PPM1A: variants seen among roughly 807,000 people sequenced by gnomAD.
PPM1A encodes the protein protein phosphatase, Mg2+/Mn2+ dependent 1A, also known as protein phosphatase 1A.
Under a neutral mutation model 35.0 loss-of-function variants are expected in PPM1A, and 7 were observed. The observed-to-expected ratio is 0.20, with a 90% CI of 0.11 to 0.38. The LOEUF (loss-of-function observed/expected upper bound fraction) is 0.38, where lower values mean the gene tolerates loss of function less well. PPM1A is among the 10% of genes least tolerant of loss of function. The pLI is 1.00. For missense variants in PPM1A, 239 were observed against 467.8 expected (o/e 0.51, Z 4.51); for synonymous variants, 153 against 167.3 (o/e 0.91, Z 0.66).
At chr14:60,290,707 G>A (rs1263707454) in intron 4 of PPM1A, among the ~76,000 whole-genome samples, 2 of 152,052 alleles carry the variant, frequency 1.3e-5, no homozygotes, top group Non-Finnish European at 2.9e-5. Context: ...TGTTTTGCAA[G>A]TGTGACCATG....
intron 1 of PPM1A, among the ~76,000 whole-genome samples, chr14:60,272,858 A>G (rs905404072): frequency 6.6e-6 from 1 of 152,126 alleles, no homozygotes; most frequent in Admixed American, 6.5e-5. Flanking sequence ...TCAGTTTTGC[A>G]GTTGAGATGG....
intron 1 of PPM1A, among the ~76,000 whole-genome samples, chr14:60,263,664 T>G (rs1462600498): frequency 6.6e-6 from 1 of 152,162 alleles, no homozygotes; most frequent in Non-Finnish European, 1.5e-5. Flanking sequence ...ACCCTCACCC[T>G]CTCCCACCCA....
chr14:60,290,173 G>A (rs1386893943), intron 4 of PPM1A, among the ~76,000 whole-genome samples: 40 of 152,090 alleles, frequency 2.6e-4, no homozygotes, highest in Admixed American at 2.6e-3. Flanking sequence ...GAGCATAAAC[G>A]AGATAATATA....
intron 1 of PPM1A, among the ~76,000 whole-genome samples, chr14:60,271,981 G>C (rs923138423): frequency 2.1e-4 from 32 of 151,844 alleles, no homozygotes; most frequent in African/African-American, 6.5e-4. Context: ...GACTTGTCCA[G>C]TATCGCATAT....
At chr14:60,278,023 A>G (rs1209589148) in intron 1 of PPM1A, among the ~76,000 whole-genome samples, 1 of 152,158 alleles carries the variant, frequency 6.6e-6, no homozygotes, top group Non-Finnish European at 1.5e-5. Flanking sequence ...TTTCTTCATG[A>G]GTAAAACAGG....
intron 1 of PPM1A, among the ~76,000 whole-genome samples, chr14:60,274,160 G>A (rs1163446720): frequency 6.6e-6 from 1 of 152,188 alleles, no homozygotes; most frequent in East Asian, 1.9e-4. Flanking sequence ...AAGCTTAGGG[G>A]TAGGAAGAAA....
chr14:60,267,496 G>A (rs1053690333), intron 1 of PPM1A, among the ~76,000 whole-genome samples: 2 of 151,992 alleles, frequency 1.3e-5, no homozygotes, highest in Non-Finnish European at 2.9e-5. Context: ...GTATTAATAA[G>A]TATGTTTGGA....
intron 1 of PPM1A, among the ~76,000 whole-genome samples, chr14:60,250,746 A>G (rs541723232): frequency 1.3e-5 from 2 of 152,346 alleles, no homozygotes; most frequent in Non-Finnish European, 2.9e-5. Context: ...TCAAACTTGC[A>G]CGTTGGGGTT....
rs865913696 is a variant in PPM1A at position 60,295,771 on chromosome 14, A to G, written c.*3289A>G. On this transcript the variant is annotated 3_prime_UTR_variant, in exon 6 of 6. Transcript: ENST00000395076. Reference sequence around the variant, plus strand: ...ATCACTCATCAAAAAATATATATATATATCTATTGCCCACCTGCTATCTAC... The same window carrying G: ...ATCACTCATCAAAAAATATATATATGTATCTATTGCCCACCTGCTATCTAC... The G allele has an allele frequency of 6.6e-6, 1 of 151,566 alleles. No individual in the cohort carries two copies. Among genetic ancestry groups the G allele is most frequent in the Non-Finnish European group, 1.5e-5 (1 of 67,630 alleles). The allele number at this position is 151,566 out of a possible 1,614,324, so 9.4% of individuals were successfully genotyped here.
intron 1 of PPM1A, among the ~76,000 whole-genome samples, chr14:60,251,087 T>G (rs1218450231): frequency 6.6e-6 from 1 of 152,260 alleles, no homozygotes. Flanking sequence ...TGTTATAGTT[T>G]TGTTCTTGTT....
At chr14:60,277,340 C>T (rs1885884046) in intron 1 of PPM1A, 1 of 152,302 alleles carries the variant, frequency 6.6e-6, no homozygotes, top group Admixed American at 6.5e-5. Flanking sequence ...CACCAGGACT[C>T]TACAAATTGC....
At chr14:60,247,547 A>G (rs1881863766), upstream of PPM1A, among the ~76,000 whole-genome samples, 1 of 145,672 alleles carries the variant, frequency 6.9e-6, no homozygotes, top group Non-Finnish European at 1.5e-5. Context: ...GGAGAATGGC[A>G]TGAACCCGGG....
At chr14:60,258,667 T>C (rs1318874070) in intron 1 of PPM1A, among the ~76,000 whole-genome samples, 1 of 152,136 alleles carries the variant, frequency 6.6e-6, no homozygotes, top group African/African-American at 2.4e-5. Context: ...CCATGTATTC[T>C]ATAGATGGAA....
In PPM1A at chr14:60,282,946, T is replaced by A. The variant is rs1886571459; in HGVS notation, c.243T>A (p.Asn81Lys). ...CCEHLLDHIT[N>K]NQDFKGSAGA... is the part of the protein sequence containing the mutation. Reference sequence around the variant, plus strand: ...AGCATTTGTTAGATCACATCACCAATAACCAGGATTTTAAAGGGTCTGCAG... The same window carrying A: ...AGCATTTGTTAGATCACATCACCAAAAACCAGGATTTTAAAGGGTCTGCAG... Residue 81 changes from asparagine (N) to lysine (K), a missense_variant, in exon 2 of 6, where the codon AAT becomes AAA. Coordinates refer to ENST00000395076, the MANE Select transcript of PPM1A (RefSeq NM_021003.5). The surrounding 1 kb of genome is among the most constrained non-coding windows in gnomAD (Gnocchi z 5.1). 1 of 1,614,096 alleles carries A rather than the reference T, an allele frequency of 6.2e-7. No homozygotes were observed. Among genetic ancestry groups the A allele is most frequent in the African/African-American group, 1.3e-5 (1 of 74,926 alleles).
chr14:60,261,303 G>A (rs973180617), intron 1 of PPM1A, among the ~76,000 whole-genome samples: 2 of 152,140 alleles, frequency 1.3e-5, no homozygotes, highest in African/African-American at 4.8e-5. Flanking sequence ...CTTGGAGGCT[G>A]TTTTAAGAGG....
intron 1 of PPM1A, chr14:60,268,427 A>G (rs1165088242): frequency 2.1e-5 from 20 of 962,964 alleles, no homozygotes; most frequent in Middle Eastern, 5.3e-4. Context: ...ATAAAATTCT[A>G]TTTGTGAGGT....
intron 1 of PPM1A, among the ~76,000 whole-genome samples, chr14:60,274,264 A>G (rs758068554): frequency 2.0e-5 from 3 of 152,200 alleles, no homozygotes; most frequent in Non-Finnish European, 4.4e-5. Context: ...GCAGTCAATT[A>G]GAGGAGGGCT....
Position 60,292,649 on chromosome 14 carries a change from ATTTT to A in PPM1A, c.*181_*184del. The A allele has an allele frequency of 1.7e-5, 6 of 344,410 alleles. No homozygotes were observed. The highest frequency in any genetic ancestry group is 7.2e-4 in the Middle Eastern group (1 of 1,382). The allele number at this position is 344,410 out of a possible 1,614,324, so 21.3% of individuals were successfully genotyped here. ...CAGTACAACAGCTAGCCCAGAACTG[ATTTT>A]TTTTTTTTTTTTTGTAAATTTGAGA... On this transcript the variant is annotated 3_prime_UTR_variant, in exon 6 of 6. Transcript: ENST00000395076. The surrounding 1 kb of genome is among the most constrained non-coding windows in gnomAD (Gnocchi z 4.2).
intron 1 of PPM1A, chr14:60,277,042 T>C (rs1885848810): frequency 1.6e-6 from 2 of 1,212,754 alleles, no homozygotes; most frequent in African/African-American, 1.6e-5. Context: ...CTGATAATAC[T>C]AGTGCTGTGA....
Sources: gnomAD v4.1 joint callset for allele counts (sites outside exome capture counted in the v4.1 genomes callset) on GRCh38, gnomAD v4.1.1 for gene constraint, Gnocchi (gnomAD v3.1) non-coding constraint, MANE v1.5 for transcripts, NCBI Gene and HGNC (gene_info 2026-07-23, HGNC 2026-07-21) for gene names.